The following FOXP1 variants were observed in gnomAD, a reference collection of about 807,000 sequenced individuals.
The protein encoded by FOXP1 is forkhead box P1.
FOXP1 carries 15 observed loss-of-function variants against 98.2 expected under a neutral mutation model. The observed-to-expected ratio is 0.15, with a 90% CI of 0.10 to 0.24. The LOEUF is 0.24. Among genes scored for constraint, FOXP1 ranks in the 10% least tolerant of loss-of-function variants. FOXP1 has a pLI of 1.00. For missense variants in FOXP1, 633 were observed against 848.5 expected (o/e 0.75, Z 3.15); for synonymous variants, 371 against 314.5 (o/e 1.18, Z -1.90).
intron 3 of FOXP1, among the ~76,000 whole-genome samples, chr3:71,472,722 G>A (rs1560533523): frequency 6.6e-6 from 1 of 152,190 alleles, no homozygotes; most frequent in East Asian, 1.9e-4. Context: ...TAGTCCATAA[G>A]AGAAGTAGAT....
At chr3:71,376,378 CAAT>C (rs1349963138) in intron 3 of FOXP1, among the ~76,000 whole-genome samples, 4 of 152,120 alleles carry the variant, frequency 2.6e-5, no homozygotes, top group East Asian at 1.9e-4. Context: ...GAGAATATGT[CAAT>C]GATGTGTTTG....
intron 2 of FOXP1, among the ~76,000 whole-genome samples, chr3:71,500,698 G>T (rs2041270986): frequency 6.6e-6 from 1 of 152,132 alleles, no homozygotes; most frequent in Admixed American, 6.5e-5. Flanking sequence ...AACTAAAAAA[G>T]AAAGAGTTGG....
intron 3 of FOXP1, among the ~76,000 whole-genome samples, chr3:71,403,087 T>G (rs1248071378): frequency 6.6e-6 from 1 of 152,250 alleles, no homozygotes; most frequent in Admixed American, 6.5e-5. Context: ...AAGAGGAAGT[T>G]TACTTTTTTG....
chr3:71,205,599 G>A (rs1405081695), intron 5 of FOXP1, among the ~76,000 whole-genome samples: 1 of 152,218 alleles, frequency 6.6e-6, no homozygotes, highest in Non-Finnish European at 1.5e-5. Context: ...TCTCAGGTGA[G>A]TAGAGGCTAA....
intron 2 of FOXP1, among the ~76,000 whole-genome samples, chr3:71,526,075 C>T (rs559459405): frequency 1.1e-4 from 16 of 152,196 alleles, no homozygotes; most frequent in African/African-American, 3.9e-4. Flanking sequence ...GAGCCAAGAT[C>T]GCACCACTGC....
intron 5 of FOXP1, among the ~76,000 whole-genome samples, chr3:71,232,589 A>G (rs190644592): frequency 6.6e-6 from 1 of 151,508 alleles, no homozygotes; most frequent in Non-Finnish European, 1.5e-5. Flanking sequence ...AAACTCCGAC[A>G]AAAAAAACAA....
chr3:71,534,340 G>A (rs983507439), intron 2 of FOXP1, among the ~76,000 whole-genome samples: 2 of 151,960 alleles, frequency 1.3e-5, no homozygotes, highest in Non-Finnish European at 2.9e-5. Context: ...CTCCAGCCTA[G>A]GCAAAAACTC....
intron 6 of FOXP1, among the ~76,000 whole-genome samples, chr3:71,152,498 G>A (rs2060618665): frequency 6.6e-6 from 1 of 152,184 alleles, no homozygotes; most frequent in African/African-American, 2.4e-5. Flanking sequence ...CATAGTATAT[G>A]AATGGGTTCC....
intron 7 of FOXP1, among the ~76,000 whole-genome samples, chr3:71,101,604 T>G (rs1331259721): frequency 8.0e-6 from 1 of 125,360 alleles, no homozygotes; most frequent in Non-Finnish European, 1.6e-5. Context: ...TTAGTGACAA[T>G]AAAATTCAAG....
chr3:71,194,322 T>C (rs1178455785), intron 6 of FOXP1, among the ~76,000 whole-genome samples: 2 of 152,036 alleles, frequency 1.3e-5, no homozygotes, highest in East Asian at 3.8e-4. Flanking sequence ...AATGGAATGT[T>C]GTTAAGAAAT....
At chr3:71,568,184 G>C (rs1466191316) in intron 2 of FOXP1, among the ~76,000 whole-genome samples, 5 of 152,148 alleles carry the variant, frequency 3.3e-5, no homozygotes, top group Non-Finnish European at 7.4e-5. Context: ...GGCCTGCAGA[G>C]AATACCCAGT....
intron 6 of FOXP1, among the ~76,000 whole-genome samples, chr3:71,116,212 A>G (rs1258059045): frequency 1.3e-5 from 2 of 152,200 alleles, no homozygotes; most frequent in Non-Finnish European, 2.9e-5. Context: ...GGGGTAAAAA[A>G]GTCATGTATA....
In FOXP1 at chr3:71,053,865, A is replaced by C. The variant is rs1013052715; in HGVS notation, c.283-92T>G. 2.1e-6 allele frequency: 3 copies of C among 1,396,314 alleles called. No homozygotes were observed. In the African/African-American group the frequency reaches 4.3e-5, roughly 20 times the overall value. 86.5% of individuals were successfully genotyped at this position (1,396,314 alleles called of 1,614,324 possible). ...CAGCTGACTGCCATCAGCCTGCTTAAAGAGTTGACCAATTTCCCATGCAAC... is the reference window on the plus strand; with the variant it reads ...CAGCTGACTGCCATCAGCCTGCTTACAGAGTTGACCAATTTCCCATGCAAC... On this transcript the variant is annotated intron_variant, in intron 7 of 20. Transcript: ENST00000649528.
intron 6 of FOXP1, among the ~76,000 whole-genome samples, chr3:71,163,408 A>T (rs1468062124): frequency 6.6e-6 from 1 of 152,198 alleles, no homozygotes; most frequent in Non-Finnish European, 1.5e-5. Context: ...TGAAATATGT[A>T]GTAGACAATT....
At chr3:71,002,736 A>G (rs1216120736) in intron 12 of FOXP1, among the ~76,000 whole-genome samples, 1 of 152,170 alleles carries the variant, frequency 6.6e-6, no homozygotes, top group Admixed American at 6.6e-5. Context: ...CTCGGGAGTT[A>G]GTTCAATTCC....
intron 6 of FOXP1, among the ~76,000 whole-genome samples, chr3:71,184,796 C>T (rs556401333): frequency 3.8e-4 from 57 of 150,860 alleles, no homozygotes; most frequent in African/African-American, 1.3e-3. Flanking sequence ...GATGAAATTG[C>T]AATCGCAAAA....
At chr3:71,020,129 ATT>A (rs1184506375) in intron 11 of FOXP1, among the ~76,000 whole-genome samples, 1 of 152,174 alleles carries the variant, frequency 6.6e-6, no homozygotes, top group Non-Finnish European at 1.5e-5. Context: ...GTTAATTTAA[ATT>A]TCTCTTGATA....
chr3:71,123,089 A>T (rs2058899645), intron 6 of FOXP1, among the ~76,000 whole-genome samples: 1 of 152,038 alleles, frequency 6.6e-6, no homozygotes. Context: ...CCATATCCAC[A>T]AGTCTGCCCT....
intron 2 of FOXP1, among the ~76,000 whole-genome samples, chr3:71,561,469 A>G (rs2046532875): frequency 6.6e-6 from 1 of 151,470 alleles, no homozygotes; most frequent in South Asian, 2.1e-4. Flanking sequence ...AGTCACCACG[A>G]CCCGTTGTGA....
Sources: gnomAD v4.1 joint callset for allele counts (sites outside exome capture counted in the v4.1 genomes callset) on GRCh38, gnomAD v4.1.1 for gene constraint, MANE v1.5 for transcripts, NCBI Gene and HGNC (gene_info 2026-07-23, HGNC 2026-07-21) for gene names.